COL25A1: variants seen among roughly 807,000 people sequenced by gnomAD.
The protein encoded by COL25A1 is collagen alpha-1(XXV) chain.
A neutral mutation model predicts 128.4 loss-of-function variants in COL25A1; 103 were observed. The observed-to-expected ratio is 0.80, with a 90% CI of 0.68 to 0.94. COL25A1 has a LOEUF of 0.94. Among genes scored for constraint, COL25A1 ranks in the 40% least tolerant of loss-of-function variants. The pLI is 0.00. For synonymous variants in COL25A1, 279 were observed against 277.2 expected, an observed-to-expected ratio of 1.01 and a Z score of -0.06; for missense variants, 745 against 840.0, an observed-to-expected ratio of 0.89 and a Z score of 1.40.
chr4:108,951,741 T>C (rs1384590076), intron 8 of COL25A1, among the ~76,000 whole-genome samples: 1 of 152,204 alleles, frequency 6.6e-6, no homozygotes, highest in Non-Finnish European at 1.5e-5. Flanking sequence ...ACTTATGTGA[T>C]GGCAAAAACT....
chr4:109,060,585 T>C (rs1243954920), intron 3 of COL25A1, among the ~76,000 whole-genome samples: 1 of 152,036 alleles, frequency 6.6e-6, no homozygotes, highest in Admixed American at 6.6e-5. Context: ...CCAATTGTAG[T>C]GACTTTTCAC....
intron 16 of COL25A1, among the ~76,000 whole-genome samples, chr4:108,892,907 G>A (rs1481291460): frequency 2.0e-5 from 3 of 152,158 alleles, no homozygotes; most frequent in African/African-American, 7.2e-5. Flanking sequence ...GAGAAGTGGT[G>A]ATGAGGAGTC....
chr4:109,216,110 T>C (rs1181602875), intron 3 of COL25A1, among the ~76,000 whole-genome samples: 1 of 152,154 alleles, frequency 6.6e-6, no homozygotes, highest in African/African-American at 2.4e-5. Flanking sequence ...AAAGATGTTC[T>C]ATATGTTAAA....
intron 8 of COL25A1, among the ~76,000 whole-genome samples, chr4:108,947,374 G>A (rs964482904): frequency 6.6e-5 from 10 of 151,852 alleles, no homozygotes; most frequent in African/African-American, 1.9e-4. Flanking sequence ...CCTGGGAGGC[G>A]GAGGTTGCAG....
At chr4:108,880,190 G>A (rs1463800492) in intron 19 of COL25A1, among the ~76,000 whole-genome samples, 1 of 152,172 alleles carries the variant, frequency 6.6e-6, no homozygotes, top group African/African-American at 2.4e-5. Context: ...TACATGTCAA[G>A]GTTTGCTTTT....
chr4:108,840,690 C>T (rs917977757), intron 31 of COL25A1, among the ~76,000 whole-genome samples: 1 of 152,148 alleles, frequency 6.6e-6, no homozygotes, highest in African/African-American at 2.4e-5. Flanking sequence ...GTTAGTTGCA[C>T]CAACTCACTA....
intron 18 of COL25A1, among the ~76,000 whole-genome samples, chr4:108,888,058 C>T (rs749002028): frequency 6.6e-6 from 1 of 152,020 alleles, no homozygotes; most frequent in Non-Finnish European, 1.5e-5. Context: ...TTGCAAAGTT[C>T]TGCTAGGCTC....
At chr4:109,163,678 T>C (rs1772798015) in intron 3 of COL25A1, among the ~76,000 whole-genome samples, 1 of 152,180 alleles carries the variant, frequency 6.6e-6, no homozygotes, top group South Asian at 2.1e-4. Context: ...AAGTCTGACT[T>C]TGGGAACAAG....
chr4:108,990,225 AAAAAAAAAAAAAAAATATAT>A (rs1398598759), intron 6 of COL25A1, among the ~76,000 whole-genome samples: 2 of 68,998 alleles, frequency 2.9e-5, no homozygotes, highest in East Asian at 1.2e-3. Flanking sequence ...AAAAAAAAAA[AAAAAAAAAAAAAAAATATAT>A]ATATATATAT....
intron 11 of COL25A1, among the ~76,000 whole-genome samples, chr4:108,936,060 A>C (rs1747366506): frequency 6.6e-6 from 1 of 152,102 alleles, no homozygotes; most frequent in Non-Finnish European, 1.5e-5. Context: ...CCAAGACAAA[A>C]ATTACATGTA....
intron 3 of COL25A1, among the ~76,000 whole-genome samples, chr4:109,066,372 A>G (rs1035485563): frequency 1.3e-4 from 20 of 152,180 alleles, no homozygotes; most frequent in Non-Finnish European, 2.9e-4. Context: ...GAGGTCTCCC[A>G]AACTCTGTTC....
chr4:109,074,393 T>C (rs1763227010), intron 3 of COL25A1, among the ~76,000 whole-genome samples: 2 of 151,900 alleles, frequency 1.3e-5, no homozygotes, highest in South Asian at 2.1e-4. Flanking sequence ...ACAATTCTAG[T>C]CCCCCCACCT....
rs1442051128 is a variant in COL25A1 at position 108,810,742 on chromosome 4, T to C, written c.*3185A>G. 2.0e-5 allele frequency: 3 copies of C among 152,038 alleles called. No individual in the cohort carries two copies. The allele number at this position is 152,038 out of a possible 1,614,324, so 9.4% of individuals were successfully genotyped here. ...ATGATCCGAGTAAACACACATCATC[T>C]ATTGGTACACTGTTTTGTTTTACAT... On this transcript the variant is annotated 3_prime_UTR_variant, in exon 38 of 38. Coordinates refer to ENST00000399132, the MANE Select transcript of COL25A1 (RefSeq NM_198721.4).
intron 3 of COL25A1, among the ~76,000 whole-genome samples, chr4:109,179,305 C>A (rs1247059786): frequency 1.3e-5 from 2 of 152,216 alleles, no homozygotes; most frequent in Non-Finnish European, 2.9e-5. Context: ...CCCCCCACTG[C>A]ACCTGACACA....
chr4:109,207,088 CA>C (rs1337096452), intron 3 of COL25A1, among the ~76,000 whole-genome samples: 1 of 152,074 alleles, frequency 6.6e-6, no homozygotes, highest in Non-Finnish European at 1.5e-5. Context: ...CCCTAATATC[CA>C]ACACTTTAAT....
chr4:108,823,946 T>C, intron 35 of COL25A1: 1 of 1,430,854 alleles, frequency 7.0e-7, no homozygotes. Context: ...AGCTAGAATA[T>C]CTGGTGATAA....
intron 3 of COL25A1, among the ~76,000 whole-genome samples, chr4:109,284,101 C>T (rs941750057): frequency 2.0e-5 from 3 of 152,154 alleles, no homozygotes; most frequent in Non-Finnish European, 4.4e-5. Context: ...ATCTTGAAAA[C>T]CTTCTTCCTT....
At chr4:109,028,446 G>A (rs577809917) in intron 5 of COL25A1, among the ~76,000 whole-genome samples, 1 of 152,154 alleles carries the variant, frequency 6.6e-6, no homozygotes, top group East Asian at 1.9e-4. Flanking sequence ...AGAAAAAGGG[G>A]CCAGGCCCAG....
At chr4:108,819,891 T>G (rs1731612323) in intron 35 of COL25A1, 5 of 1,223,888 alleles carry the variant, frequency 4.1e-6, no homozygotes, top group Non-Finnish European at 5.1e-6. Context: ...TTTCTTTCCC[T>G]TTTCCCCCTG....
Sources: allele counts gnomAD v4.1 joint callset (sites outside exome capture counted in the v4.1 genomes callset), GRCh38; gene constraint gnomAD v4.1.1; transcripts MANE v1.5; gene names NCBI Gene and HGNC (gene_info 2026-07-23, HGNC 2026-07-21).